APP: variants seen among roughly 807,000 people sequenced by gnomAD.
APP encodes the protein amyloid-beta precursor protein.
In APP, 31 loss-of-function variants were observed where a neutral mutation model predicts 101.4. The observed-to-expected ratio is 0.31, with a 90% CI of 0.23 to 0.41. The LOEUF (loss-of-function observed/expected upper bound fraction) is 0.41. Ranked by LOEUF, APP falls within the 10% of genes least tolerant of loss-of-function variation. The pLI, the probability that APP is intolerant of heterozygous loss-of-function variation, is 1.00. For missense variants in APP, 839 were observed against 1,003.7 expected (o/e 0.84, Z 2.22); for synonymous variants, 366 against 364.4 (o/e 1.00, Z -0.05).
chr21:25,905,873 G>A (rs1204706123), intron 14 of APP, among the ~76,000 whole-genome samples: 3 of 152,084 alleles, frequency 2.0e-5, no homozygotes, highest in East Asian at 3.8e-4. Context: ...CTTGTTTTAC[G>A]CTGGCGTTTG....
chr21:26,140,420 C>T, intron 1 of APP: 1 of 1,338,406 alleles, frequency 7.5e-7, no homozygotes, highest in East Asian at 2.6e-5. Flanking sequence ...ACTGCGCCAA[C>T]TTCTAAGCTA....
At position 26,089,932 on chromosome 21, in the gene APP, G is replaced by A. The variant is rs113003524; in HGVS notation, c.355+11C>T. 3.0e-5 allele frequency: 48 copies of A among 1,613,842 alleles called. No individual in the cohort carries two copies. Among genetic ancestry groups the A allele is most frequent in the African/African-American group, 2.4e-4 (18 of 75,016 alleles). ...CCCAATCAACACCAGCCCCACGGCC[G>A]GCCGGCTCACCTAAGCAGCGGTAGG... is the stretch of plus-strand genomic sequence containing the variant. On this transcript the variant is annotated intron_variant, in intron 3 of 17. Coordinates refer to ENST00000346798, the MANE Select transcript of APP (RefSeq NM_000484.4).
At chr21:26,042,859 T>C (rs543133830) in intron 5 of APP, among the ~76,000 whole-genome samples, 2 of 152,158 alleles carry the variant, frequency 1.3e-5, no homozygotes, top group African/African-American at 4.8e-5. Flanking sequence ...AAGGTTACAC[T>C]GATCTATGGT....
In APP at chr21:25,951,667, G is replaced by A. The variant is rs60071033; in HGVS notation, c.1687+2923C>T. Among the ~76,000 whole-genome samples, 411 of 152,132 alleles carry A rather than the reference G, an allele frequency of 2.7e-3. 2 individuals are homozygous for A. The highest frequency in any genetic ancestry group is 9.3e-3 in the African/African-American group (386 of 41,500). On this transcript the variant is annotated intron_variant, in intron 13 of 17. Transcript: ENST00000346798. ...GCATTTAATCAGAGAATATTAGAAC[G>A]ACTACAAGACATAACCTGGAAAAAA...
chr21:25,962,471 A>T (rs2041622537), intron 11 of APP, among the ~76,000 whole-genome samples: 1 of 152,180 alleles, frequency 6.6e-6, no homozygotes, highest in African/African-American at 2.4e-5. Context: ...ACAATTTCAG[A>T]AATAGGCCCA....
At position 26,136,181 on chromosome 21, in the gene APP, G is replaced by GA. The variant is rs1445628380; in HGVS notation, c.58-24036dup. On this transcript the variant is annotated intron_variant, in intron 1 of 17. Transcript: ENST00000346798. Reference sequence around the variant, plus strand: ...AAAGAAAAGAAAGAAAAGAAAGAAAGAAAGAAAGAAAGAAAGAAAGAAAAG... The same window carrying GA: ...AAAGAAAAGAAAGAAAAGAAAGAAAGAAAAGAAAGAAAGAAAGAAAGAAAAG... 1.7e-4 allele frequency among the ~76,000 whole-genome samples: 13 copies of GA among 74,996 alleles called. 1 individual carries two copies. In the East Asian group the frequency reaches 2.1e-3, roughly 12 times the overall value. The allele number at this position is 74,996 out of a possible 152,430, so 49.2% of individuals were successfully genotyped here.
chr21:26,042,479 T>C (rs2045416280), intron 5 of APP, among the ~76,000 whole-genome samples: 1 of 152,260 alleles, frequency 6.6e-6, no homozygotes, highest in Admixed American at 6.5e-5. Context: ...GTTATTATTT[T>C]CTGAGAAAAG....
chr21:25,986,874 G>GA (rs1420066526), intron 8 of APP, among the ~76,000 whole-genome samples: 2 of 152,136 alleles, frequency 1.3e-5, no homozygotes, highest in Admixed American at 6.5e-5. Context: ...TACATGGGAA[G>GA]AAAAAATTAC....
chr21:25,882,242 C>T (rs775089780), intron 17 of APP, among the ~76,000 whole-genome samples: 20 of 151,222 alleles, frequency 1.3e-4, no homozygotes, highest in Admixed American at 1.3e-4. Context: ...GAAAAATACT[C>T]GATTTCCTGG....
chr21:26,033,236 T>G (rs2044923577), intron 5 of APP, among the ~76,000 whole-genome samples: 1 of 152,122 alleles, frequency 6.6e-6, no homozygotes, highest in Non-Finnish European at 1.5e-5. Flanking sequence ...ATGGGAGTGG[T>G]TTCCCCATGC....
At chr21:25,926,784 A>G (rs767238722) in intron 13 of APP, among the ~76,000 whole-genome samples, 8 of 152,112 alleles carry the variant, frequency 5.3e-5, no homozygotes, top group Non-Finnish European at 1.0e-4. Flanking sequence ...CTTTGGAATC[A>G]TGAGGTCAGG....
chr21:26,159,810 T>C (rs895361276), intron 1 of APP, among the ~76,000 whole-genome samples: 2 of 152,178 alleles, frequency 1.3e-5, no homozygotes, highest in Non-Finnish European at 2.9e-5. Context: ...ACTGAAGGGA[T>C]GCTTCCCATC....
intron 1 of APP, among the ~76,000 whole-genome samples, chr21:26,151,962 G>A (rs2063279713): frequency 6.6e-6 from 1 of 152,060 alleles, no homozygotes; most frequent in African/African-American, 2.4e-5. Flanking sequence ...CCTATGTTCA[G>A]GCTAGAAATG....
At chr21:26,081,817 C>G (rs2061604922) in intron 3 of APP, among the ~76,000 whole-genome samples, 1 of 152,162 alleles carries the variant, frequency 6.6e-6, no homozygotes, top group African/African-American at 2.4e-5. Flanking sequence ...GAAACTTGTT[C>G]TCTAGCAGAT....
intron 5 of APP, among the ~76,000 whole-genome samples, chr21:26,043,476 C>A (rs1178946597): frequency 6.6e-6 from 1 of 152,114 alleles, no homozygotes; most frequent in Admixed American, 6.5e-5. Flanking sequence ...AGAGATCTGC[C>A]AGCCTCGGCC....
intron 11 of APP, among the ~76,000 whole-genome samples, chr21:25,964,745 C>T (rs1020196447): frequency 2.6e-5 from 4 of 151,912 alleles, no homozygotes; most frequent in Non-Finnish European, 5.9e-5. Flanking sequence ...GGATTACAGG[C>T]ATGCGCCACC....
intron 6 of APP, among the ~76,000 whole-genome samples, chr21:26,010,133 GTC>G (rs1356441757): frequency 1.5e-4 from 23 of 150,734 alleles, no homozygotes; most frequent in African/African-American, 5.6e-4. Context: ...GAACAGCAGT[GTC>G]TCTGGTTACA....
At chr21:25,907,260 T>C (rs2038841008) in intron 14 of APP, among the ~76,000 whole-genome samples, 1 of 152,224 alleles carries the variant, frequency 6.6e-6, no homozygotes, top group Non-Finnish European at 1.5e-5. Flanking sequence ...AACCCTAATC[T>C]GCTTTAAAAG....
At chr21:26,065,940 G>A (rs555960003) in intron 3 of APP, among the ~76,000 whole-genome samples, 1 of 152,108 alleles carries the variant, frequency 6.6e-6, no homozygotes, top group South Asian at 2.1e-4. Context: ...AAATCACCTG[G>A]GATCCTGATC....
Sources: allele counts gnomAD v4.1 joint callset (sites outside exome capture counted in the v4.1 genomes callset), GRCh38; gene constraint gnomAD v4.1.1; transcripts MANE v1.5; gene names NCBI Gene and HGNC (gene_info 2026-07-23, HGNC 2026-07-21).